The following DNAH12 variants were observed in gnomAD, a reference collection of about 807,000 sequenced individuals.
DNAH12 encodes axonemal beta dynein heavy chain 12.
A neutral mutation model predicts 371.5 loss-of-function variants in DNAH12; 285 were observed. The observed-to-expected ratio is 0.77, with a 90% CI of 0.70 to 0.85. DNAH12 has a LOEUF of 0.85. DNAH12 is among the 40% of genes least tolerant of loss of function. The pLI is 0.00. For synonymous variants in DNAH12, 1,200 were observed against 1,213.0 expected (o/e 0.99, Z 0.22); for missense variants, 3,611 against 3,689.4 (o/e 0.98, Z 0.55).
intron 60 of DNAH12, among the ~76,000 whole-genome samples, chr3:57,337,447 G>A (rs1262079470): frequency 1.3e-5 from 2 of 152,188 alleles, no homozygotes; most frequent in African/African-American, 4.8e-5. Flanking sequence ...ATCACCTGAG[G>A]TCGGGAGTTC....
chr3:57,453,291 A>G lies in DNAH12; in HGVS notation c.3569T>C (p.Ile1190Thr). 1.9e-6 allele frequency: 3 copies of G among 1,549,476 alleles called. No homozygotes were observed. Among genetic ancestry groups the G allele is most frequent in the Middle Eastern group, 1.7e-4 (1 of 5,986 alleles). ...GACCACATCTCTAGCATGGACATCA[A>G]TAGTAACCAAAGCCCCCAGAGTGGT... Reference protein sequence around the residue: ...TRTTLGALVTIDVHARDVVMD... With the variant: ...TRTTLGALVTTDVHARDVVMD... Residue 1190 changes from isoleucine to threonine, a missense_variant, in exon 24 of 74, where the codon ATT becomes ACT. By Grantham distance (89) the Ile-to-Thr change is moderately conservative (BLOSUM62 -1). Coordinates refer to ENST00000495027, the MANE Select transcript of DNAH12 (RefSeq NM_001366028.2).
At chr3:57,351,047 G>T (rs2062660279) in intron 60 of DNAH12, among the ~76,000 whole-genome samples, 1 of 151,738 alleles carries the variant, frequency 6.6e-6, no homozygotes, top group South Asian at 2.1e-4. Flanking sequence ...GAGGCAGGCA[G>T]ATCACGAGGT....
chr3:57,324,139 A>AC, intron 62 of DNAH12, among the ~76,000 whole-genome samples: 1 of 152,220 alleles, frequency 6.6e-6, no homozygotes, highest in East Asian at 1.9e-4. Flanking sequence ...GATGAGGACC[A>AC]CACTGTAAGC....
chr3:57,541,374 G>T (rs2069276248), intron 2 of DNAH12, among the ~76,000 whole-genome samples: 1 of 151,902 alleles, frequency 6.6e-6, no homozygotes, highest in Non-Finnish European at 1.5e-5. Context: ...TTGTCTGCTT[G>T]TTTGAGATAG....
At chr3:57,373,397 C>T (rs2063217268) in intron 55 of DNAH12, among the ~76,000 whole-genome samples, 1 of 151,560 alleles carries the variant, frequency 6.6e-6, no homozygotes, top group African/African-American at 2.4e-5. Flanking sequence ...CTCACTGCAA[C>T]CTCCACCTCC....
intron 60 of DNAH12, among the ~76,000 whole-genome samples, chr3:57,351,413 C>A (rs1446139255): frequency 6.6e-6 from 1 of 152,164 alleles, no homozygotes; most frequent in Non-Finnish European, 1.5e-5. Context: ...TCTTTCTGGA[C>A]ATCTTCCCAA....
At chr3:57,350,910 T>G (rs1364767720) in intron 60 of DNAH12, among the ~76,000 whole-genome samples, 1 of 152,176 alleles carries the variant, frequency 6.6e-6, no homozygotes, top group South Asian at 2.1e-4. Context: ...CAGAGAAATA[T>G]AAATTCAAAC....
chr3:57,309,730 T>C lies in DNAH12; in HGVS notation c.11021A>G (p.Gln3674Arg). The change falls in exon 68 of 74, where the codon CAG (glutamine) becomes CGG (arginine). Residue 3674 changes from glutamine to arginine, a missense_variant. This residue lies in a region of DNAH12 where 2,266 missense variants were observed against 2,236.9 expected (regional missense o/e 1.01). Coordinates refer to ENST00000495027, the MANE Select transcript of DNAH12 (RefSeq NM_001366028.2). ...SLLLTQGGSK[Q>R]TGASGSTDQI... ...ATCAGTACTTCCTGAGGCTCCTGTC[T>C]GTTTGGAGCCTCCCTGGGTGAGGAG... 1 of 1,550,884 alleles carries C rather than the reference T, an allele frequency of 6.4e-7. No individual in the cohort carries two copies. The highest frequency in any genetic ancestry group is 8.7e-7 in the Non-Finnish European group (1 of 1,146,686).
At chr3:57,506,593 C>T (rs535952463) in intron 8 of DNAH12, among the ~76,000 whole-genome samples, 2 of 152,194 alleles carry the variant, frequency 1.3e-5, no homozygotes, top group East Asian at 3.9e-4. Flanking sequence ...AAGCATATGC[C>T]ACCACACCTG....
In DNAH12 at chr3:57,386,492, T is replaced by C. The variant is rs1284889231; in HGVS notation, c.7551A>G (p.Ala2517=). The part of the protein sequence containing the change: ...LTQKRQAVME[A]KQRYMNGLDK... Reference sequence around the variant, plus strand: ...CAAGCCCATTCATGTATCGTTGTTTTGCTTCCATGACAGCTTGTCGCTTCT... The same window carrying C: ...CAAGCCCATTCATGTATCGTTGTTTCGCTTCCATGACAGCTTGTCGCTTCT... Residue 2517 remains alanine, a synonymous_variant, in exon 47 of 74, where the codon GCA becomes GCG. Transcript: ENST00000495027. 1 of 152,238 alleles carries C rather than the reference T, an allele frequency of 6.6e-6. No individual in the cohort carries two copies. Among genetic ancestry groups the C allele is most frequent in the Non-Finnish European group, 1.5e-5 (1 of 68,046 alleles). 9.4% of individuals were successfully genotyped at this position (152,238 alleles called of 1,614,324 possible). A position where few individuals can be genotyped will look rare whatever the true frequency, so the allele number is the denominator to read the frequency against.
intron 28 of DNAH12, 97 bp from the exon 29 acceptor site, chr3:57,444,913 C>G: frequency 7.1e-7 from 1 of 1,415,692 alleles, no homozygotes; most frequent in South Asian, 1.5e-5. Context: ...CCACCCCACC[C>G]CCCTGGCTAA....
intron 25 of DNAH12, among the ~76,000 whole-genome samples, chr3:57,447,911 G>A (rs2065574637): frequency 6.6e-6 from 1 of 152,128 alleles, no homozygotes; most frequent in Non-Finnish European, 1.5e-5. Flanking sequence ...CTGAGCTCAA[G>A]CCATCCTCCT....
chr3:57,430,374 TTTA>T lies in DNAH12; in HGVS notation c.4981-603_4981-601del, dbSNP rs147411720. 4.3e-3 allele frequency among the ~76,000 whole-genome samples: 649 copies of T among 152,298 alleles called. 3 individuals are homozygous for T. Among genetic ancestry groups the T allele is most frequent in the African/African-American group, 0.015 (616 of 41,590 alleles). On this transcript the variant is annotated intron_variant, in intron 32 of 73. Transcript: ENST00000495027. Reference sequence around the variant, plus strand: ...TCACACCTAACAAAATGAATAATTCTTTATTATCATCTAATACTCAGTCAATAC... The same window carrying T: ...TCACACCTAACAAAATGAATAATTCTTTATCATCTAATACTCAGTCAATAC...
In DNAH12 at chr3:57,409,192, A is replaced by T. The variant is rs142528440; in HGVS notation, c.6021-657T>A. Among the ~76,000 whole-genome samples the T allele has an allele frequency of 5.1e-4, 78 of 152,322 alleles. No homozygotes were observed. In the East Asian group the frequency reaches 0.014, roughly 28 times the overall value. ...GAAATGACATAATTTAGCTGGAACC[A>T]CTCAGAGTAAAAGGTTGCTATTGTC... On this transcript the variant is annotated intron_variant, in intron 39 of 73. Coordinates refer to ENST00000495027, the MANE Select transcript of DNAH12 (RefSeq NM_001366028.2).
In DNAH12 at chr3:57,428,627, G is replaced by A. The variant is rs186305353; in HGVS notation, c.5253+6C>T. The A allele has an allele frequency of 3.6e-4, 551 of 1,528,358 alleles. No homozygotes were observed. Among genetic ancestry groups the A allele is most frequent in the Middle Eastern group, 6.8e-4 (4 of 5,872 alleles). The allele number at this position is 1,528,358 out of a possible 1,614,324, so 94.7% of individuals were successfully genotyped here. On this transcript the variant is annotated splice_donor_region_variant and intron_variant, in intron 34 of 73. Transcript: ENST00000495027. ...ACTTGAATAGGTCAGAGAATTATAG[G>A]ATTACCTTGCATTTTTTCTTACGCT...
At chr3:57,403,537 A>T in intron 42 of DNAH12, 36 bp from the exon 43 acceptor site, 3 of 1,498,954 alleles carry the variant, frequency 2.0e-6, no homozygotes, top group Non-Finnish European at 2.7e-6. Flanking sequence ...ATGCATTACA[A>T]TATAAATGTA....
Position 57,421,902 on chromosome 3 carries a change from CTTTTTTTTTTT to C in DNAH12, c.5374-207_5374-197del, listed in dbSNP as rs368757579. On this transcript the variant is annotated intron_variant, in intron 35 of 73. Transcript: ENST00000495027. Reference sequence around the variant, plus strand: ...AATTTTTATCAAAATGTTTGCATGTCTTTTTTTTTTTTTTTTTTTTTGAGACAGCGCCTCTC... The same window carrying C: ...AATTTTTATCAAAATGTTTGCATGTCTTTTTTTTTTGAGACAGCGCCTCTC... 6.1e-5 allele frequency among the ~76,000 whole-genome samples: 6 copies of C among 98,526 alleles called. 1 individual carries two copies. Among genetic ancestry groups the C allele is most frequent in the Non-Finnish European group, 7.9e-5 (4 of 50,908 alleles). 64.6% of individuals were successfully genotyped at this position (98,526 alleles called of 152,430 possible). A position where few individuals can be genotyped will look rare whatever the true frequency, so the allele number is the denominator to read the frequency against.
chr3:57,350,719 AGAGT>A (rs2062652619), intron 60 of DNAH12, among the ~76,000 whole-genome samples: 1 of 152,220 alleles, frequency 6.6e-6, no homozygotes, highest in Non-Finnish European at 1.5e-5. Context: ...AGCAAACTAG[AGAGT>A]GAGTGCCAAT....
chr3:57,534,456 C>T (rs2068955938), intron 2 of DNAH12, among the ~76,000 whole-genome samples: 1 of 151,542 alleles, frequency 6.6e-6, no homozygotes, highest in African/African-American at 2.4e-5. Flanking sequence ...GTTCCCCCAC[C>T]CCACCACCAC....
Sources: allele counts gnomAD v4.1 joint callset (sites outside exome capture counted in the v4.1 genomes callset), GRCh38; gene constraint gnomAD v4.1.1; regional missense constraint gnomAD v4.1.1; transcripts MANE v1.5; gene names NCBI Gene and HGNC (gene_info 2026-07-23, HGNC 2026-07-21).